PDGFRL: variants seen among roughly 807,000 people sequenced by gnomAD.
PDGFRL encodes platelet-derived growth factor receptor-like protein.
PDGFRL carries 46 observed loss-of-function variants against 37.2 expected under a neutral mutation model. The ratio of observed to expected loss-of-function variants is 1.24; its 90% CI spans 0.98 to 1.58. The LOEUF is 1.58. Among genes scored for constraint, PDGFRL ranks in the 40% most tolerant of loss-of-function variants. The pLI is 0.00. For missense variants in PDGFRL, 692 were observed against 467.6 expected (o/e 1.48, Z -4.43); for synonymous variants, 251 against 184.3 (o/e 1.36, Z -2.93).
chr8:17,620,493 G>A (rs894563193), intron 2 of PDGFRL, among the ~76,000 whole-genome samples: 6 of 152,036 alleles, frequency 3.9e-5, no homozygotes, highest in Admixed American at 1.3e-4. Context: ...AATTTCTTAC[G>A]TTAATGTGGT....
chr8:17,625,959 C>T (rs1351851739), intron 3 of PDGFRL, among the ~76,000 whole-genome samples: 2 of 152,090 alleles, frequency 1.3e-5, no homozygotes, highest in Non-Finnish European at 2.9e-5. Context: ...GGTGCCACTG[C>T]ACTCCAGCCT....
At chr8:17,589,904 C>T in intron 2 of PDGFRL, 139 bp downstream of exon 2, 1 of 611,148 alleles carries the variant, frequency 1.6e-6, no homozygotes, top group Admixed American at 3.2e-5. Context: ...GCTCAAAGGG[C>T]AAAAGTCACA....
chr8:17,591,314 G>A (rs1803934893), intron 2 of PDGFRL, among the ~76,000 whole-genome samples: 1 of 152,166 alleles, frequency 6.6e-6, no homozygotes, highest in Non-Finnish European at 1.5e-5. Flanking sequence ...AGGAAGAGTG[G>A]TTACCATGGT....
chr8:17,590,236 C>CAAAAAAAAAAAAAAACAAAAAAAAAAA (rs1803907003), intron 2 of PDGFRL, among the ~76,000 whole-genome samples: 1 of 35,606 alleles, frequency 2.8e-5, no homozygotes, highest in Non-Finnish European at 6.3e-5. Flanking sequence ...GACTCCATCT[C>CAAAAAAAAAAAAAAACAAAAAAAAAAA]AAAAAAAAAA....
At chr8:17,596,093 A>C (rs1305020496) in intron 2 of PDGFRL, among the ~76,000 whole-genome samples, 1 of 144,428 alleles carries the variant, frequency 6.9e-6, no homozygotes, top group Non-Finnish European at 1.5e-5. Context: ...GCAACCAGCC[A>C]GGAAGCCCCA....
intron 1 of PDGFRL, among the ~76,000 whole-genome samples, chr8:17,578,730 A>G (rs1384770230): frequency 6.6e-6 from 1 of 152,168 alleles, no homozygotes; most frequent in East Asian, 1.9e-4. Context: ...CCTGGATCTC[A>G]CCCAGCCCAT....
intron 3 of PDGFRL, among the ~76,000 whole-genome samples, chr8:17,621,469 A>C (rs1804633221): frequency 6.6e-6 from 1 of 151,944 alleles, no homozygotes; most frequent in Non-Finnish European, 1.5e-5. Flanking sequence ...TTAAGGTCAC[A>C]CAGAAAGTAA....
In PDGFRL at chr8:17,582,215, G is replaced by C. The variant is rs557532861; in HGVS notation, c.55+4908G>C. On this transcript the variant is annotated intron_variant, in intron 1 of 5. Coordinates refer to ENST00000251630, the MANE Select transcript of PDGFRL (RefSeq NM_001372073.1). ...AGGGATTTTGGAAGGCCACACTTAA[G>C]AGTGATGTCCTAGGGTATCCTAAAG... 1.1e-3 allele frequency among the ~76,000 whole-genome samples: 161 copies of C among 152,256 alleles called. 1 individual carries two copies. Among genetic ancestry groups the C allele is most frequent in the Admixed American group, 3.4e-3 (52 of 15,304 alleles).
At chr8:17,589,048 G>A (rs1003984758) in intron 1 of PDGFRL, among the ~76,000 whole-genome samples, 3 of 152,012 alleles carry the variant, frequency 2.0e-5, no homozygotes, top group Non-Finnish European at 4.4e-5. Context: ...ATATGAGGAG[G>A]GGAGGATTAA....
chr8:17,636,447 C>G (rs375703916), intron 5 of PDGFRL, among the ~76,000 whole-genome samples: 7 of 152,050 alleles, frequency 4.6e-5, no homozygotes, highest in Admixed American at 1.3e-4. Context: ...TTTCTGGGTT[C>G]TCTATTCTGT....
chr8:17,578,931 G>A (rs1803645598), intron 1 of PDGFRL, among the ~76,000 whole-genome samples: 1 of 152,232 alleles, frequency 6.6e-6, no homozygotes, highest in African/African-American at 2.4e-5. Context: ...CGGGCACAGT[G>A]GCTCATGCCT....
chr8:17,604,158 A>G, intron 2 of PDGFRL, among the ~76,000 whole-genome samples: 1 of 152,230 alleles, frequency 6.6e-6, no homozygotes, highest in Non-Finnish European at 1.5e-5. Flanking sequence ...TAGTTCAACC[A>G]TTGTGGAAGT....
At chr8:17,602,762 C>G (rs1331080180) in intron 2 of PDGFRL, among the ~76,000 whole-genome samples, 4 of 151,894 alleles carry the variant, frequency 2.6e-5, no homozygotes, top group Non-Finnish European at 5.9e-5. Flanking sequence ...TTGCAAAACC[C>G]TGTCATGAGA....
intron 4 of PDGFRL, among the ~76,000 whole-genome samples, chr8:17,632,364 G>T (rs1804880622): frequency 1.3e-5 from 2 of 150,022 alleles, no homozygotes; most frequent in Admixed American, 6.6e-5. Flanking sequence ...TTTTAATACA[G>T]AGTCTTGGCT....
chr8:17,630,042 C>T (rs1804830131), intron 4 of PDGFRL, among the ~76,000 whole-genome samples: 2 of 152,184 alleles, frequency 1.3e-5, no homozygotes, highest in Admixed American at 1.3e-4. Context: ...TAACCTTCTC[C>T]CCATGCCTGT....
At chr8:17,597,672 C>T (rs1168593325) in intron 2 of PDGFRL, among the ~76,000 whole-genome samples, 1 of 151,898 alleles carries the variant, frequency 6.6e-6, no homozygotes, top group Non-Finnish European at 1.5e-5. Flanking sequence ...ATGAAGAAAA[C>T]ATTCATGGCA....
intron 4 of PDGFRL, 46 bp from the exon 5 acceptor site, chr8:17,634,028 G>A (rs199591128): frequency 2.5e-6 from 4 of 1,601,364 alleles, no homozygotes; most frequent in East Asian, 2.2e-5. Flanking sequence ...TTGTTTTCAA[G>A]GTTACACTCG....
At chr8:17,576,894 C>A, upstream of PDGFRL, 1 of 283,530 alleles carries the variant, frequency 3.5e-6, no homozygotes, top group Non-Finnish European at 6.5e-6. Context: ...TTAAAAGTGA[C>A]CCCATCAGCA....
At chr8:17,604,381 T>G (rs1191534937) in intron 2 of PDGFRL, among the ~76,000 whole-genome samples, 1 of 152,156 alleles carries the variant, frequency 6.6e-6, no homozygotes, top group East Asian at 1.9e-4. Context: ...GTGGCACATA[T>G]ACACCATGGA....
Sources: allele counts gnomAD v4.1 joint callset (sites outside exome capture counted in the v4.1 genomes callset), GRCh38; gene constraint gnomAD v4.1.1; transcripts MANE v1.5; gene names NCBI Gene and HGNC (gene_info 2026-07-23, HGNC 2026-07-21).